MGAT4C: variants seen among roughly 807,000 people sequenced by gnomAD.
The protein encoded by MGAT4C is MGAT4 family member C.
A neutral mutation model predicts 40.1 loss-of-function variants in MGAT4C; 19 were observed. The ratio of observed to expected loss-of-function variants is 0.47; its 90% CI spans 0.33 to 0.70. MGAT4C has a LOEUF of 0.70. MGAT4C is among the 30% of genes least tolerant of loss of function. MGAT4C has a pLI of 0.02. For synonymous variants in MGAT4C, 181 were observed against 187.1 expected (o/e 0.97, Z 0.27); for missense variants, 491 against 563.2 (o/e 0.87, Z 1.30).
At chr12:86,547,114 T>C (rs1356479383) in intron 2 of MGAT4C, among the ~76,000 whole-genome samples, 1 of 152,086 alleles carries the variant, frequency 6.6e-6, no homozygotes. Flanking sequence ...CATGTTTTAT[T>C]TTTATTTTGC....
At chr12:86,442,992 T>C (rs536636211) in intron 2 of MGAT4C, among the ~76,000 whole-genome samples, 5 of 152,232 alleles carry the variant, frequency 3.3e-5, no homozygotes, top group African/African-American at 1.2e-4. Context: ...AATTAAGTTG[T>C]GTACATTGTT....
intron 3 of MGAT4C, among the ~76,000 whole-genome samples, chr12:86,335,312 C>T (rs1954759746): frequency 6.6e-6 from 1 of 152,124 alleles, no homozygotes; most frequent in Admixed American, 6.6e-5. Flanking sequence ...AATCTTCTCT[C>T]TGCACCTTGC....
chr12:86,573,095 T>C (rs1204237850), intron 2 of MGAT4C, among the ~76,000 whole-genome samples: 1 of 152,074 alleles, frequency 6.6e-6, no homozygotes, highest in Non-Finnish European at 1.5e-5. Flanking sequence ...AGTCACCTGT[T>C]ACTTCGACAC....
intron 1 of MGAT4C, among the ~76,000 whole-genome samples, chr12:86,113,047 G>C (rs1800569373): frequency 6.6e-6 from 1 of 151,600 alleles, no homozygotes; most frequent in Non-Finnish European, 1.5e-5. Context: ...AATAATCTTG[G>C]CATGAAACAG....
At position 86,155,616 on chromosome 12, in the gene MGAT4C, A is replaced by G. The variant is rs1593094255; in HGVS notation, c.-57+100623T>C. 2.0e-5 allele frequency among the ~76,000 whole-genome samples: 3 copies of G among 152,304 alleles called. No homozygotes were observed. The East Asian group carries it at 5.8e-4, about 29-fold the overall frequency. On this transcript the variant is annotated intron_variant, in intron 1 of 4. Transcript: ENST00000611864. ...TGCAAAGGTATGAAGGAGCAGGTGGAGTGCATTTGTGTGTTTCAGAAATGT... is the reference window on the plus strand; with the variant it reads ...TGCAAAGGTATGAAGGAGCAGGTGGGGTGCATTTGTGTGTTTCAGAAATGT...
At position 85,965,571 on chromosome 12, in the gene MGAT4C, T is replaced by G. The variant is rs150753445; in HGVS notation, c.*13718A>C. The G allele has an allele frequency of 3.4e-5, 4 of 115,960 alleles. No individual in the cohort carries two copies. Among genetic ancestry groups the G allele is most frequent in the Non-Finnish European group, 4.9e-5 (3 of 61,404 alleles). The allele number at this position is 115,960 out of a possible 1,614,324, so 7.2% of individuals were successfully genotyped here. On this transcript the variant is annotated 3_prime_UTR_variant, in exon 5 of 5. Coordinates refer to ENST00000611864, the MANE Select transcript of MGAT4C (RefSeq NM_001351288.2). Reference sequence around the variant, plus strand: ...GAGATAGTGCCACTGCAGTCCGGCCTGGGCAAAAGAGTGAGACTCTGTCTC... The same window carrying G: ...GAGATAGTGCCACTGCAGTCCGGCCGGGGCAAAAGAGTGAGACTCTGTCTC...
chr12:86,366,532 A>T (rs903478632), intron 3 of MGAT4C, among the ~76,000 whole-genome samples: 2 of 152,184 alleles, frequency 1.3e-5, no homozygotes, highest in African/African-American at 4.8e-5. Flanking sequence ...GTACTCATGG[A>T]CATAAAGATG....
chr12:86,349,868 T>C (rs1387297188), intron 3 of MGAT4C, among the ~76,000 whole-genome samples: 3 of 152,114 alleles, frequency 2.0e-5, no homozygotes, highest in African/African-American at 7.2e-5. Flanking sequence ...AATTTATCAA[T>C]ACCTTCTTTC....
intron 1 of MGAT4C, among the ~76,000 whole-genome samples, chr12:86,060,942 A>G (rs1449643946): frequency 1.3e-5 from 2 of 152,130 alleles, no homozygotes; most frequent in East Asian, 3.9e-4. Flanking sequence ...GGGAGGAAGG[A>G]AATCCTGCGC....
chr12:86,018,079 T>C (rs1430237482), intron 2 of MGAT4C, among the ~76,000 whole-genome samples: 1 of 152,158 alleles, frequency 6.6e-6, no homozygotes, highest in African/African-American at 2.4e-5. Context: ...TCTGGAGTGT[T>C]ACTTGGACTA....
At chr12:86,015,125 G>GT (rs1278790276) in intron 2 of MGAT4C, among the ~76,000 whole-genome samples, 5 of 150,812 alleles carry the variant, frequency 3.3e-5, no homozygotes, top group Non-Finnish European at 5.9e-5. Context: ...TCCTACTTCT[G>GT]TTTTTTCACT....
intron 2 of MGAT4C, among the ~76,000 whole-genome samples, chr12:86,615,068 T>C (rs1454993898): frequency 2.0e-5 from 3 of 152,088 alleles, no homozygotes; most frequent in South Asian, 2.1e-4. Flanking sequence ...GAAATTGCTG[T>C]ATCTAGAATA....
At chr12:86,597,524 T>C (rs1441489281) in intron 2 of MGAT4C, among the ~76,000 whole-genome samples, 1 of 152,238 alleles carries the variant, frequency 6.6e-6, no homozygotes, top group Non-Finnish European at 1.5e-5. Context: ...TAGACTCTGT[T>C]AAAAGATTAT....
intron 2 of MGAT4C, among the ~76,000 whole-genome samples, chr12:86,038,241 C>G (rs1178466906): frequency 6.7e-6 from 1 of 149,784 alleles, no homozygotes; most frequent in African/African-American, 2.4e-5. Flanking sequence ...CTAGTTTAAG[C>G]TAGAAGCAAG....
At chr12:86,572,061 T>G (rs886785132) in intron 2 of MGAT4C, among the ~76,000 whole-genome samples, 5 of 152,110 alleles carry the variant, frequency 3.3e-5, no homozygotes, top group Admixed American at 2.0e-4. Flanking sequence ...CTTTACTCAT[T>G]TGAACTTAGA....
At chr12:86,552,196 A>C (rs576972900) in intron 2 of MGAT4C, among the ~76,000 whole-genome samples, 1 of 152,164 alleles carries the variant, frequency 6.6e-6, no homozygotes, top group East Asian at 1.9e-4. Flanking sequence ...AATTCAACAA[A>C]ATTATGAAAA....
At chr12:86,606,750 A>T (rs1962059985) in intron 2 of MGAT4C, among the ~76,000 whole-genome samples, 1 of 152,178 alleles carries the variant, frequency 6.6e-6, no homozygotes, top group South Asian at 2.1e-4. Context: ...CTGGATAAAA[A>T]AAAAGGCTGC....
chr12:86,556,958 TGATA>T (rs1193924348), intron 2 of MGAT4C, among the ~76,000 whole-genome samples: 5 of 152,108 alleles, frequency 3.3e-5, no homozygotes, highest in African/African-American at 7.2e-5. Flanking sequence ...GCTATTATGT[TGATA>T]GATAAAGAGA....
intron 1 of MGAT4C, among the ~76,000 whole-genome samples, chr12:86,100,181 A>G (rs1214811243): frequency 6.6e-6 from 1 of 151,502 alleles, no homozygotes; most frequent in Non-Finnish European, 1.5e-5. Flanking sequence ...TTTCTTAATC[A>G]GAGAATTAAT....
Sources: gnomAD v4.1 joint callset for allele counts (sites outside exome capture counted in the v4.1 genomes callset) on GRCh38, gnomAD v4.1.1 for gene constraint, MANE v1.5 for transcripts, NCBI Gene and HGNC (gene_info 2026-07-23, HGNC 2026-07-21) for gene names.